Variants in SNTG1 observed in about 807,000 individuals in gnomAD.
SNTG1 encodes syntrophin gamma 1, also known as gamma-1-syntrophin.
SNTG1 carries 39 observed loss-of-function variants against 74.7 expected under a neutral mutation model. That is an observed-to-expected ratio of 0.52 (90% confidence interval 0.40 to 0.68). The LOEUF (loss-of-function observed/expected upper bound fraction) is 0.68. Among genes scored for constraint, SNTG1 ranks in the 30% least tolerant of loss-of-function variants. SNTG1 has a pLI of 0.00. For synonymous variants in SNTG1, 254 were observed against 217.1 expected (o/e 1.17, Z -1.49); for missense variants, 685 against 609.5 (o/e 1.12, Z -1.30).
chr8:50,550,942 T>C (rs2094422207), intron 11 of SNTG1, among the ~76,000 whole-genome samples: 1 of 152,178 alleles, frequency 6.6e-6, no homozygotes, highest in African/African-American at 2.4e-5. Flanking sequence ...TGGGGACATT[T>C]TCTTTTAACA....
intron 9 of SNTG1, among the ~76,000 whole-genome samples, chr8:50,519,314 A>G (rs1025262653): frequency 4.6e-5 from 7 of 152,214 alleles, no homozygotes; most frequent in African/African-American, 1.7e-4. Flanking sequence ...CAAAATAACC[A>G]GAGCTATTTA....
At chr8:50,221,209 T>TATAGAAAATATTAAATATAAAAATTTGTA (rs2085046467) in intron 2 of SNTG1, among the ~76,000 whole-genome samples, 1 of 152,062 alleles carries the variant, frequency 6.6e-6, no homozygotes, top group African/African-American at 2.4e-5. Context: ...AATATGGTAA[T>TATAGAAAATATTAAATATAAAAATTTGTA]ATAGAAAATA....
intron 9 of SNTG1, among the ~76,000 whole-genome samples, chr8:50,511,675 T>C (rs1334670200): frequency 6.6e-6 from 1 of 152,204 alleles, no homozygotes; most frequent in African/African-American, 2.4e-5. Context: ...TGTAATGGCC[T>C]TCTTTGTCTC....
At chr8:50,626,074 GT>G (rs1187052667) in intron 13 of SNTG1, among the ~76,000 whole-genome samples, 3 of 152,074 alleles carry the variant, frequency 2.0e-5, no homozygotes, top group Non-Finnish European at 2.9e-5. Flanking sequence ...GGTTTGCCTG[GT>G]CTGCCAGCAT....
chr8:50,520,476 A>G (rs928929222), intron 9 of SNTG1, among the ~76,000 whole-genome samples: 6 of 152,232 alleles, frequency 3.9e-5, no homozygotes, highest in African/African-American at 9.6e-5. Flanking sequence ...CTGCACAGCA[A>G]AAGAAACTAT....
intron 1 of SNTG1, among the ~76,000 whole-genome samples, chr8:50,104,744 C>T (rs529800063): frequency 4.6e-5 from 7 of 152,042 alleles, no homozygotes; most frequent in Non-Finnish European, 1.0e-4. Context: ...ATGTGTCCCA[C>T]AGATTCTGGT....
chr8:50,618,810 A>G (rs1427300397), intron 13 of SNTG1, among the ~76,000 whole-genome samples: 1 of 152,138 alleles, frequency 6.6e-6, no homozygotes, highest in Non-Finnish European at 1.5e-5. Flanking sequence ...TATAGAGTTC[A>G]CAATATGGCT....
chr8:50,406,726 G>T (rs1212662791), intron 4 of SNTG1, among the ~76,000 whole-genome samples: 1 of 152,100 alleles, frequency 6.6e-6, no homozygotes, highest in African/African-American at 2.4e-5. Context: ...GCTGAGTATT[G>T]AGGCAGTTTT....
intron 1 of SNTG1, among the ~76,000 whole-genome samples, chr8:50,087,296 G>T (rs1188163565): frequency 6.6e-6 from 1 of 152,108 alleles, no homozygotes; most frequent in Non-Finnish European, 1.5e-5. Flanking sequence ...GGTCAAGTTT[G>T]TCTTCGATTG....
chr8:50,183,684 A>C (rs2083286212), intron 2 of SNTG1, among the ~76,000 whole-genome samples: 1 of 152,156 alleles, frequency 6.6e-6, no homozygotes. Context: ...CTGCTTCCCC[A>C]AGTAGCAAAA....
chr8:50,276,126 A>G (rs952473003), intron 2 of SNTG1, among the ~76,000 whole-genome samples: 2 of 152,118 alleles, frequency 1.3e-5, no homozygotes, highest in African/African-American at 4.8e-5. Flanking sequence ...AACTCATTTA[A>G]AGAGCAAGAA....
intron 4 of SNTG1, among the ~76,000 whole-genome samples, chr8:50,408,058 T>A (rs1003617727): frequency 6.6e-6 from 1 of 152,208 alleles, no homozygotes; most frequent in African/African-American, 2.4e-5. Context: ...CCACTGGCTA[T>A]GTGAATCCTG....
At chr8:50,654,178 CCTTT>C (rs2095166433) in intron 13 of SNTG1, among the ~76,000 whole-genome samples, 1 of 151,966 alleles carries the variant, frequency 6.6e-6, no homozygotes, top group Admixed American at 6.6e-5. Flanking sequence ...CTGTTCATTC[CCTTT>C]CTTAGCTGTG....
In SNTG1 at chr8:50,386,425, T is replaced by C. The variant is rs376917511; in HGVS notation, c.-27-7787T>C. Among the ~76,000 whole-genome samples, 15 of 127,240 alleles carry C rather than the reference T, an allele frequency of 1.2e-4. No homozygotes were observed. The South Asian group carries it at 2.3e-3, about 20-fold the overall frequency. 83.5% of individuals were successfully genotyped at this position (127,240 alleles called of 152,430 possible). ...TTTGCCCTGGTAAAAGATTCTGCAA[T>C]TCTTTGGGGGAGGCTGGGAGCAAGA... On this transcript the variant is annotated intron_variant, in intron 2 of 18. Coordinates refer to ENST00000642720, the MANE Select transcript of SNTG1 (RefSeq NM_018967.5).
At chr8:50,405,398 TA>T (rs2092860056) in intron 4 of SNTG1, among the ~76,000 whole-genome samples, 1 of 152,094 alleles carries the variant, frequency 6.6e-6, no homozygotes. Flanking sequence ...TCCTGTCAAT[TA>T]ATAATGTAGA....
intron 2 of SNTG1, among the ~76,000 whole-genome samples, chr8:50,324,938 C>CATATATATATAT (rs201152206): frequency 6.7e-5 from 9 of 133,992 alleles, no homozygotes; most frequent in African/African-American, 2.4e-4. Context: ...GCATTTTATA[C>CATATATATATAT]ATATATATAT....
chr8:49,921,879 T>C (rs1806576636), intron 1 of SNTG1, among the ~76,000 whole-genome samples: 1 of 152,128 alleles, frequency 6.6e-6, no homozygotes, highest in African/African-American at 2.4e-5. Context: ...CACTGAGAAT[T>C]GACTGAGTTC....
intron 2 of SNTG1, among the ~76,000 whole-genome samples, chr8:50,372,617 T>TG (rs2131161302): frequency 1.3e-5 from 2 of 152,326 alleles, no homozygotes; most frequent in East Asian, 3.9e-4. Context: ...ATTAAATGTC[T>TG]GCTGTGTGTC....
At chr8:50,473,145 G>C (rs1295784718) in intron 8 of SNTG1, among the ~76,000 whole-genome samples, 1 of 152,176 alleles carries the variant, frequency 6.6e-6, no homozygotes, top group Non-Finnish European at 1.5e-5. Flanking sequence ...GGAGGTAACT[G>C]AATTATGGGG....
Sources: gnomAD v4.1 joint callset for allele counts (sites outside exome capture counted in the v4.1 genomes callset) on GRCh38, gnomAD v4.1.1 for gene constraint, MANE v1.5 for transcripts, NCBI Gene and HGNC (gene_info 2026-07-23, HGNC 2026-07-21) for gene names.